DLG4: variants seen among roughly 807,000 people sequenced by gnomAD.
DLG4 encodes discs large MAGUK scaffold protein 4, also known as disks large homolog 4.
Under a neutral mutation model 93.8 loss-of-function variants are expected in DLG4, and 7 were observed. The ratio of observed to expected loss-of-function variants is 0.07; its 90% CI spans 0.04 to 0.14. The LOEUF (loss-of-function observed/expected upper bound fraction) is 0.14, where lower values mean the gene tolerates loss of function less well. DLG4 is among the 10% of genes least tolerant of loss of function. DLG4 has a pLI of 1.00. For synonymous variants in DLG4, 341 were observed against 387.6 expected (o/e 0.88, Z 1.41); for missense variants, 545 against 992.9 (o/e 0.55, Z 6.06).
chr17:7,204,498 C>A (rs1035278853), intron 2 of DLG4: 1 of 438,652 alleles, frequency 2.3e-6, no homozygotes, highest in Non-Finnish European at 4.0e-6. Context: ...CAGCCCGGGG[C>A]CCCCTGCATG....
chr17:7,202,826 A>G, intron 8 of DLG4, 77 bp downstream of exon 8: 2 of 1,563,264 alleles, frequency 1.3e-6, no homozygotes, highest in East Asian at 4.5e-5. Flanking sequence ...GGACAGCTAC[A>G]GGGATGTCGT....
Position 7,190,450 on chromosome 17 carries a change from A to G in DLG4, c.*258T>C, listed in dbSNP as rs2069428640. The G allele has an allele frequency of 3.7e-5, 18 of 492,760 alleles. No homozygotes were observed. The South Asian group carries it at 4.2e-4, about 12-fold the overall frequency. The allele number at this position is 492,760 out of a possible 1,614,324, so 30.5% of individuals were successfully genotyped here. ...GGGGGCAGGTGGGGGCGGGGATCCT[A>G]AGGAGCAAGGGCTCGGAACAAGGAG... is the stretch of plus-strand genomic sequence containing the variant. On this transcript the variant is annotated 3_prime_UTR_variant, in exon 20 of 20. Coordinates refer to ENST00000399506, the MANE Select transcript of DLG4 (RefSeq NM_001321075.3).
Position 7,202,997 on chromosome 17 carries a change from G to A in DLG4, c.693C>T (p.Ala231=). 1 of 1,613,096 alleles carries A rather than the reference G, an allele frequency of 6.2e-7. No individual in the cohort carries two copies. The highest frequency in any genetic ancestry group is 8.5e-7 in the Non-Finnish European group (1 of 1,179,098). ...AGACAACATCATACGTGTTCTTCAGGGCTGCCACAGCATCTTCATGCATGA... is the reference window on the plus strand; with the variant it reads ...AGACAACATCATACGTGTTCTTCAGAGCTGCCACAGCATCTTCATGCATGA... ...EDVMHEDAVA[A]LKNTYDVVYL... Residue 231 remains alanine, a synonymous_variant, in exon 8 of 20, where the codon GCC becomes GCT. Transcript: ENST00000399506.
Position 7,191,204 on chromosome 17 carries a change from G to T in DLG4, c.2068+63C>A. The stretch of plus-strand genomic sequence containing the variant: ...AAGCCATCCACTGGGGGTGGCGGGG[G>T]AGCTCTTTCTAATCCGAGCAAGGGC... On this transcript the variant is annotated intron_variant, in intron 19 of 19. Transcript: ENST00000399506. This position sits in a 1 kb window ranked among gnomAD's most constrained non-coding sequence, Gnocchi z 6.6. 1 of 1,514,282 alleles carries T rather than the reference G, an allele frequency of 6.6e-7. No homozygotes were observed. The highest frequency in any genetic ancestry group is 1.1e-5 in the South Asian group (1 of 88,518). The allele number at this position is 1,514,282 out of a possible 1,614,324, so 93.8% of individuals were successfully genotyped here.
chr17:7,199,471 G>C (rs1182268778), intron 8 of DLG4, among the ~76,000 whole-genome samples: 1 of 152,006 alleles, frequency 6.6e-6, no homozygotes, highest in Non-Finnish European at 1.5e-5. Context: ...AAAGTGCTGA[G>C]ATTACAGGCA....
chr17:7,213,101 T>TCTTTC (rs200498554), intron 1 of DLG4, among the ~76,000 whole-genome samples: 41 of 137,980 alleles, frequency 3.0e-4, no homozygotes, highest in African/African-American at 1.1e-3. Context: ...CTTTCTTTTT[T>TCTTTC]TTTTTTTTTT....
chr17:7,219,727 G>A (rs1274713861), upstream of DLG4: 8 of 1,428,994 alleles, frequency 5.6e-6, no homozygotes, highest in South Asian at 1.0e-4. Context: ...CCCCGTCGGA[G>A]GACTAGACTC....
intron 8 of DLG4, among the ~76,000 whole-genome samples, chr17:7,201,939 T>C (rs2070159736): frequency 6.6e-6 from 1 of 152,240 alleles, no homozygotes; most frequent in African/African-American, 2.4e-5. Context: ...GCTAAAATTG[T>C]ATCATTATAA....
chr17:7,192,030 G>T lies in DLG4; in HGVS notation c.1867-28C>A, dbSNP rs1241855399. 4.6e-6 allele frequency: 6 copies of T among 1,291,420 alleles called. No individual in the cohort carries two copies. In the South Asian group the frequency reaches 1.1e-4, roughly 23 times the overall value. The allele number at this position is 1,291,420 out of a possible 1,614,324, so 80.0% of individuals were successfully genotyped here. A position where few individuals can be genotyped will look rare whatever the true frequency, so the allele number is the denominator to read the frequency against. ...GGGGGCAGGCAGGGTGGGCGGAGGG[G>T]GGCCAGCGGGTGGCGAGAAAGGACA... On this transcript the variant is annotated intron_variant, in intron 17 of 19. Transcript: ENST00000399506.
chr17:7,215,398 C>T (rs576457391), intron 1 of DLG4, among the ~76,000 whole-genome samples: 1 of 152,206 alleles, frequency 6.6e-6, no homozygotes, highest in Admixed American at 6.5e-5. Context: ...CCCTCACCCT[C>T]GCTCCCATTT....
chr17:7,215,009 T>A (rs1457821773), intron 1 of DLG4, among the ~76,000 whole-genome samples: 1 of 152,158 alleles, frequency 6.6e-6, no homozygotes, highest in East Asian at 1.9e-4. Context: ...CCCTACCCCA[T>A]CCAGCATTTG....
At chr17:7,212,415 C>T (rs1020955308) in intron 1 of DLG4, among the ~76,000 whole-genome samples, 1 of 152,190 alleles carries the variant, frequency 6.6e-6, no homozygotes, top group African/African-American at 2.4e-5. Flanking sequence ...AATCCACTAA[C>T]AGGGATGTTG....
intron 1 of DLG4, among the ~76,000 whole-genome samples, chr17:7,212,683 G>A (rs759393403): frequency 6.6e-6 from 1 of 152,094 alleles, no homozygotes; most frequent in African/African-American, 2.4e-5. Context: ...CGGGAAGATC[G>A]CTGGAGGCCA....
Position 7,189,158 on chromosome 17 carries a change from G to A in DLG4, c.*1550C>T, listed in dbSNP as rs1005349938. On this transcript the variant is annotated 3_prime_UTR_variant, in exon 20 of 20. Coordinates refer to ENST00000399506, the MANE Select transcript of DLG4 (RefSeq NM_001321075.3). ...GGGGGGGCGCATAAAGAAACCTAGC[G>A]TATATTCACACAGCAGTTCTTATCA... 6.7e-6 allele frequency among the ~76,000 whole-genome samples: 1 copy of A among 148,652 alleles called. No homozygotes were observed. The highest frequency in any genetic ancestry group is 1.5e-5 in the Non-Finnish European group (1 of 67,414).
In DLG4 at chr17:7,196,513, C is replaced by T. The variant is rs1254118996; in HGVS notation, c.1146G>A (p.Ala382=). ...GAGCGATGATCGTGACCGTCTGACC[C>T]GCATTCTTCAGGGCAATGGCAGCCT... ...HEQAAIALKN[A]GQTVTIIAQY... is the part of the protein sequence containing the mutation. Residue 382 remains alanine (A), a synonymous_variant, in exon 10 of 20, where the codon GCG becomes GCA. Coordinates refer to ENST00000399506, the MANE Select transcript of DLG4 (RefSeq NM_001321075.3). The surrounding 1 kb of genome is among the most constrained non-coding windows in gnomAD (Gnocchi z 8.3). 9.3e-6 allele frequency: 15 copies of T among 1,614,040 alleles called. No homozygotes were observed. The highest frequency in any genetic ancestry group is 1.1e-5 in the South Asian group (1 of 91,084).
intron 1 of DLG4, among the ~76,000 whole-genome samples, chr17:7,214,882 A>C (rs2070844330): frequency 6.6e-6 from 1 of 152,228 alleles, no homozygotes; most frequent in South Asian, 2.1e-4. Flanking sequence ...CCTAGCACGC[A>C]GTAGGCTTTC....
Position 7,196,678 on chromosome 17 carries a change from A to C in DLG4, c.1083+79T>G, listed in dbSNP as rs535363713. The C allele has an allele frequency of 3.8e-6, 6 of 1,581,548 alleles. No homozygotes were observed. The East Asian group carries it at 1.4e-4, about 36-fold the overall frequency. The stretch of plus-strand genomic sequence containing the variant: ...CCGCAAGAGGACTCGGCTGCAGCCC[A>C]TCCAGGCCCCTCCCCAAGAGCTCTG... On this transcript the variant is annotated intron_variant, in intron 9 of 19. Coordinates refer to ENST00000399506, the MANE Select transcript of DLG4 (RefSeq NM_001321075.3). The surrounding 1 kb of genome is among the most constrained non-coding windows in gnomAD (Gnocchi z 8.3).
rs200396689 is a variant in DLG4, at chr17:7,202,950, C to T, written c.740G>A (p.Ser247Asn). 117 of 1,613,902 alleles carry T rather than the reference C, an allele frequency of 7.2e-5. No individual in the cohort carries two copies. Among genetic ancestry groups the T allele is most frequent in the Non-Finnish European group, 9.7e-5 (115 of 1,179,892 alleles). ...DVVYLKVAKP[S>N]NAYLSDSYAP... ...ATAGCTGTCACTCAGGTAGGCATTG[C>T]TGGGCTTGGCCACCTTTAGGTAGAC... Residue 247 changes from serine to asparagine, a missense_variant, in exon 8 of 20, where the codon AGC becomes AAC. Ser to Asn is a conservative substitution (Grantham distance 46). Coordinates refer to ENST00000399506, the MANE Select transcript of DLG4 (RefSeq NM_001321075.3).
In DLG4 at chr17:7,196,044, A is replaced by G. The variant is rs1210279988; in HGVS notation, c.1301+176T>C. 6.6e-6 allele frequency among the ~76,000 whole-genome samples: 1 copy of G among 152,236 alleles called. No individual in the cohort carries two copies. The highest frequency in any genetic ancestry group is 6.5e-5 in the Admixed American group (1 of 15,284). On this transcript the variant is annotated intron_variant, in intron 11 of 19. Transcript: ENST00000399506. The surrounding 1 kb of genome is among the most constrained non-coding windows in gnomAD (Gnocchi z 8.3). ...AGAGGCTATTTTCCCATCGACAGGG[A>G]GTATTTCAAATGTTAACCTGTGCAG...
Sources: gnomAD v4.1 joint callset for allele counts (sites outside exome capture counted in the v4.1 genomes callset) on GRCh38, gnomAD v4.1.1 for gene constraint, Gnocchi (gnomAD v3.1) non-coding constraint, MANE v1.5 for transcripts, NCBI Gene and HGNC (gene_info 2026-07-23, HGNC 2026-07-21) for gene names.